Variants in C3orf49 observed in about 807,000 individuals in gnomAD.
C3orf49 encodes the protein putative uncharacterized protein C3orf49.
A neutral mutation model predicts 13.3 loss-of-function variants in C3orf49; 27 were observed. That is an observed-to-expected ratio of 2.02 (90% CI 1.49 to 2.79). C3orf49 has a LOEUF of 2.79. C3orf49 is among the 30% of genes most tolerant of loss of function. The pLI is 0.00. For missense variants in C3orf49, 242 were observed against 134.2 expected (o/e 1.80, Z -3.97); for synonymous variants, 87 against 47.6 (o/e 1.83, Z -3.40).
chr3:63,834,116 T>A, intron 5 of C3orf49: 1 of 1,613,620 alleles, frequency 6.2e-7, no homozygotes. Flanking sequence ...CTGGGAGTGG[T>A]GGGCAATTAG....
At chr3:63,799,084 G>A in the C3orf49 span, among the ~76,000 whole-genome samples, 2 of 152,124 alleles carry the variant, frequency 1.3e-5, no homozygotes, top group Non-Finnish European at 2.9e-5. Flanking sequence ...ATTGTGTTAT[G>A]ATATCTGATT....
the C3orf49 span, among the ~76,000 whole-genome samples, chr3:63,780,170 G>A: frequency 2.0e-5 from 3 of 152,138 alleles, no homozygotes; most frequent in Non-Finnish European, 4.4e-5. Context: ...GCCCCGGTGT[G>A]TGATGTTCTC....
the C3orf49 span, among the ~76,000 whole-genome samples, chr3:63,814,095 C>T: frequency 1.3e-5 from 2 of 152,286 alleles, no homozygotes; most frequent in Non-Finnish European, 1.5e-5. Context: ...CAAAAACAGT[C>T]TAATAACGGG....
At chr3:63,822,678 T>C (rs1701413860) in intron 1 of C3orf49, among the ~76,000 whole-genome samples, 1 of 152,240 alleles carries the variant, frequency 6.6e-6, no homozygotes, top group Non-Finnish European at 1.5e-5. Flanking sequence ...GCCAAAATTA[T>C]GAAGATGGTA....
At chr3:63,794,905 A>C in the C3orf49 span, among the ~76,000 whole-genome samples, 1 of 152,298 alleles carries the variant, frequency 6.6e-6, no homozygotes, top group Non-Finnish European at 1.5e-5. Flanking sequence ...ATACCTAAGT[A>C]ACAAAAGGAT....
chr3:63,823,757 T>C (rs537554030), intron 2 of C3orf49, among the ~76,000 whole-genome samples, 188 bp downstream of exon 2: 1 of 149,594 alleles, frequency 6.7e-6, no homozygotes, highest in Admixed American at 6.8e-5. Flanking sequence ...GGCTTGTATG[T>C]TCATACCGTT....
the C3orf49 span, among the ~76,000 whole-genome samples, chr3:63,806,532 A>C: frequency 6.6e-6 from 1 of 152,150 alleles, no homozygotes; most frequent in African/African-American, 2.4e-5. Flanking sequence ...TGATCAGTTA[A>C]TTCAGATAAA....
At chr3:63,848,011 A>G (rs1159720803) in intron 6 of C3orf49, among the ~76,000 whole-genome samples, 1 of 152,228 alleles carries the variant, frequency 6.6e-6, no homozygotes, top group Non-Finnish European at 1.5e-5. Context: ...ACATTAAAAC[A>G]GAGATCTTAA....
At chr3:63,798,293 T>C in the C3orf49 span, among the ~76,000 whole-genome samples, 29 of 152,218 alleles carry the variant, frequency 1.9e-4, 1 homozygote, top group South Asian at 5.6e-3. Context: ...TTGGGAACTG[T>C]TGGTATGATA....
At chr3:63,799,009 G>C in the C3orf49 span, among the ~76,000 whole-genome samples, 3 of 152,180 alleles carry the variant, frequency 2.0e-5, no homozygotes, top group African/African-American at 7.2e-5. Flanking sequence ...ACTGTGGTGT[G>C]TTTTATGCCC....
intron 1 of C3orf49, among the ~76,000 whole-genome samples, chr3:63,820,337 G>A (rs573502743): frequency 5.3e-5 from 8 of 152,204 alleles, no homozygotes; most frequent in Middle Eastern, 6.8e-3. Context: ...AGGCACTCCG[G>A]GGGAAGCAAT....
At position 63,843,984 on chromosome 3, in the gene C3orf49, CACAT is replaced by C. The variant is rs1013459334; in HGVS notation, c.850-1029_850-1026del. Among the ~76,000 whole-genome samples the C allele has an allele frequency of 8.6e-5, 13 of 152,026 alleles. No individual in the cohort carries two copies. In the East Asian group the frequency reaches 1.5e-3, roughly 18 times the overall value. ...CACACACAAATATGTGTTACACATA[CACAT>C]ACATACATAAACAATGAAATACTAT... On this transcript the variant is annotated intron_variant, in intron 5 of 6. Coordinates refer to ENST00000295896, the MANE Select transcript of C3orf49 (RefSeq NM_001355236.2).
At chr3:63,834,192 T>C in intron 5 of C3orf49, 1 of 1,614,084 alleles carries the variant, frequency 6.2e-7, no homozygotes, top group African/African-American at 1.3e-5. Context: ...CTGAGAGTTT[T>C]TCATCATCTG....
At chr3:63,796,702 T>C in the C3orf49 span, among the ~76,000 whole-genome samples, 413 of 152,334 alleles carry the variant, frequency 2.7e-3, 2 homozygotes, top group African/African-American at 9.4e-3. Flanking sequence ...TTGTCACTTA[T>C]GATGTTGCTG....
Position 63,831,804 on chromosome 3 carries a change from G to T in C3orf49, c.809G>T (p.Arg270Met), listed in dbSNP as rs926214203. Residue 270 changes from arginine (R) to methionine (M), a missense_variant, in exon 5 of 7, where the codon AGG becomes ATG. Coordinates refer to ENST00000295896, the MANE Select transcript of C3orf49 (RefSeq NM_001355236.2). ...CTTCAGTCTTCTAAACAGTTCCAGA[G>T]GATATCCAAGAGAACCATGAGGAAG... ...EILQSSKQFQRISKRTMRKYK... is the reference protein window; with the variant it reads ...EILQSSKQFQMISKRTMRKYK... The T allele has an allele frequency of 1.4e-6, 1 of 701,400 alleles. No individual in the cohort carries two copies. The highest frequency in any genetic ancestry group is 2.6e-6 in the Non-Finnish European group (1 of 384,714). 43.4% of individuals were successfully genotyped at this position (701,400 alleles called of 1,614,324 possible). A position where few individuals can be genotyped will look rare whatever the true frequency, so the allele number is the denominator to read the frequency against.
chr3:63,801,856 C>G, the C3orf49 span, among the ~76,000 whole-genome samples: 1 of 152,150 alleles, frequency 6.6e-6, no homozygotes, highest in Non-Finnish European at 1.5e-5. Flanking sequence ...AGGTATGTTT[C>G]CCTCTGTCCT....
At chr3:63,803,845 A>G in the C3orf49 span, among the ~76,000 whole-genome samples, 2 of 152,064 alleles carry the variant, frequency 1.3e-5, no homozygotes, top group East Asian at 1.9e-4. Context: ...TATTTCTATT[A>G]TTATTACATT....
chr3:63,836,180 T>C (rs1268173576), intron 5 of C3orf49: 1 of 851,694 alleles, frequency 1.2e-6, no homozygotes, highest in African/African-American at 1.7e-5. Context: ...AAATATAATA[T>C]TGAATATCTG....
At chr3:63,826,626 T>C (rs750746164) in intron 2 of C3orf49, among the ~76,000 whole-genome samples, 1 of 152,130 alleles carries the variant, frequency 6.6e-6, no homozygotes, top group Non-Finnish European at 1.5e-5. Context: ...AATGTATTCA[T>C]TGAGGTCTGA....
Sources: allele counts gnomAD v4.1 joint callset (sites outside exome capture counted in the v4.1 genomes callset), GRCh38; gene constraint gnomAD v4.1.1; transcripts MANE v1.5; gene names NCBI Gene and HGNC (gene_info 2026-07-23, HGNC 2026-07-21).